PTGR2: variants seen among roughly 807,000 people sequenced by gnomAD.
PTGR2 encodes the protein 15-oxoprostaglandin 13-reductase.
A neutral mutation model predicts 43.4 loss-of-function variants in PTGR2; 32 were observed. The ratio of observed to expected loss-of-function variants is 0.74; its 90% confidence interval spans 0.56 to 0.99. The LOEUF is 0.99. PTGR2 is among the 50% of genes least tolerant of loss of function. The pLI is 0.00. For synonymous variants in PTGR2, 106 were observed against 139.2 expected (o/e 0.76, Z 1.68); for missense variants, 373 against 420.0 (o/e 0.89, Z 0.98).
In PTGR2 at chr14:73,884,233, C is replaced by A; in HGVS notation, c.*56C>A. On this transcript the variant is annotated 3_prime_UTR_variant, in exon 10 of 10. Transcript: ENST00000555661. ...ATTTCTTTTCCATTTTGCATATTTT[C>A]AAAGATATGTTAAAAAATCCTTAGA... is the stretch of plus-strand genomic sequence containing the variant. The A allele has an allele frequency of 8.8e-7, 1 of 1,132,652 alleles. No individual in the cohort carries two copies. Among genetic ancestry groups the A allele is most frequent in the South Asian group, 1.3e-5 (1 of 76,656 alleles). The allele number at this position is 1,132,652 out of a possible 1,614,324, so 70.2% of individuals were successfully genotyped here.
At position 73,858,826 on chromosome 14, in the gene PTGR2, T is replaced by C; in HGVS notation, c.-37T>C. 2 of 1,587,406 alleles carry C rather than the reference T, an allele frequency of 1.3e-6. No individual in the cohort carries two copies. Among genetic ancestry groups the C allele is most frequent in the Non-Finnish European group, 1.7e-6 (2 of 1,161,486 alleles). On this transcript the variant is annotated 5_prime_UTR_variant, in exon 2 of 10. Coordinates refer to ENST00000555661, the MANE Select transcript of PTGR2 (RefSeq NM_001146154.2). Reference sequence around the variant, plus strand: ...TTTTTTTATTTATAGGAGTATTTTATACAGAAATCTTGTGAAACCACTGCC... The same window carrying C: ...TTTTTTTATTTATAGGAGTATTTTACACAGAAATCTTGTGAAACCACTGCC...
intron 2 of PTGR2, among the ~76,000 whole-genome samples, chr14:73,859,979 G>A (rs2054450440): frequency 6.6e-6 from 1 of 151,584 alleles, no homozygotes; most frequent in Non-Finnish European, 1.5e-5. Context: ...CTCCCGAGTA[G>A]CTGGGACTAC....
intron 4 of PTGR2, chr14:73,874,668 A>G (rs901781958): frequency 2.2e-6 from 1 of 450,510 alleles, no homozygotes; most frequent in Non-Finnish European, 4.4e-6. Flanking sequence ...CAAAGTGCTG[A>G]GATTACAGGT....
Position 73,884,841 on chromosome 14 carries a change from T to A in PTGR2, c.*664T>A, listed in dbSNP as rs2055088048. 6.6e-6 allele frequency: 1 copy of A among 151,988 alleles called. No individual in the cohort carries two copies. Among genetic ancestry groups the A allele is most frequent in the African/African-American group, 2.4e-5 (1 of 41,238 alleles). 9.4% of individuals were successfully genotyped at this position (151,988 alleles called of 1,614,324 possible). A position where few individuals can be genotyped will look rare whatever the true frequency, so the allele number is the denominator to read the frequency against. On this transcript the variant is annotated 3_prime_UTR_variant, in exon 10 of 10. Transcript: ENST00000555661. ...AGTTGACAAGATTTACTCCAGAGGA[T>A]CATCTCTTTGTATTTGCCAAATAAT...
At chr14:73,853,346 G>A (rs2054274000) in intron 1 of PTGR2, among the ~76,000 whole-genome samples, 1 of 111,536 alleles carries the variant, frequency 9.0e-6, no homozygotes, top group Non-Finnish European at 2.0e-5. Flanking sequence ...TTTTGAGATG[G>A]AGTTTCGCTC....
intron 5 of PTGR2, chr14:73,878,563 G>A (rs1305294279): frequency 5.8e-6 from 2 of 344,090 alleles, no homozygotes; most frequent in Non-Finnish European, 5.5e-6. Context: ...ACACTCTCTC[G>A]AGATGCTGGG....
intron 6 of PTGR2, 32 bp from the exon 7 acceptor site, chr14:73,880,023 G>C: frequency 6.2e-7 from 1 of 1,608,946 alleles, no homozygotes; most frequent in Non-Finnish European, 8.5e-7. Context: ...ACATAGGAAA[G>C]GGATATTTTA....
At position 73,880,189 on chromosome 14, in the gene PTGR2, T is replaced by A. The variant is rs1267175003; in HGVS notation, c.851+13T>A. On this transcript the variant is annotated intron_variant, in intron 7 of 9. Transcript: ENST00000555661. ...GAAACATCACAAGGTGTGTTCTTCC[T>A]CTTTGCCCTTATTACCAGGTTCATG... 6.2e-7 allele frequency: 1 copy of A among 1,613,380 alleles called. No individual in the cohort carries two copies. The highest frequency in any genetic ancestry group is 8.5e-7 in the Non-Finnish European group (1 of 1,179,434).
Position 73,863,543 on chromosome 14 carries a change from CTG to C in PTGR2, c.156+2888_156+2889del, listed in dbSNP as rs915770522. ...TTTATGAATCATTGCAAAGAATAAA[CTG>C]TTATTTATTTATTTATTTAGAGATG... On this transcript the variant is annotated intron_variant, in intron 3 of 9. Coordinates refer to ENST00000555661, the MANE Select transcript of PTGR2 (RefSeq NM_001146154.2). Among the ~76,000 whole-genome samples the C allele has an allele frequency of 5.9e-5, 9 of 151,264 alleles. 1 individual carries two copies. The South Asian group carries it at 8.3e-4, about 14-fold the overall frequency.
intron 1 of PTGR2, chr14:73,858,147 C>T (rs2054404324): frequency 6.6e-6 from 1 of 152,162 alleles, no homozygotes; most frequent in Admixed American, 6.5e-5. Flanking sequence ...TGATATAACT[C>T]ACTACCTTTG....
chr14:73,864,116 C>T (rs567537763), intron 3 of PTGR2, among the ~76,000 whole-genome samples: 1 of 152,148 alleles, frequency 6.6e-6, no homozygotes, highest in African/African-American at 2.4e-5. Flanking sequence ...CAAGGCTCAT[C>T]ATGTTGTAGT....
intron 9 of PTGR2, among the ~76,000 whole-genome samples, chr14:73,882,863 C>G (rs1415003760): frequency 8.5e-6 from 1 of 117,680 alleles, no homozygotes; most frequent in Non-Finnish European, 1.6e-5. Flanking sequence ...CTCTGTCTCC[C>G]AGGCTGGAGT....
intron 1 of PTGR2, among the ~76,000 whole-genome samples, chr14:73,856,286 C>T (rs1333949523): frequency 1.3e-5 from 2 of 151,874 alleles, no homozygotes; most frequent in African/African-American, 4.8e-5. Flanking sequence ...TCACTCGTCA[C>T]CCAGACTGGA....
At chr14:73,879,645 T>TGGCGTAGAGA in intron 6 of PTGR2, 1 of 299,708 alleles carries the variant, frequency 3.3e-6, no homozygotes, top group Non-Finnish European at 6.2e-6. Flanking sequence ...GCCCCAGACC[T>TGGCGTAGAGA]ATGGGTTTCA....
intron 1 of PTGR2, among the ~76,000 whole-genome samples, chr14:73,854,157 C>T (rs2054292031): frequency 6.6e-6 from 1 of 152,052 alleles, no homozygotes; most frequent in African/African-American, 2.4e-5. Flanking sequence ...GGCTTGAGTG[C>T]AATGGATCAG....
chr14:73,873,927 A>G, intron 3 of PTGR2, 96 bp from the exon 4 acceptor site: 2 of 859,724 alleles, frequency 2.3e-6, no homozygotes, highest in South Asian at 3.9e-5. Flanking sequence ...TATTGTGTGC[A>G]ATATATTACT....
chr14:73,878,669 T>C (rs2054916897), intron 5 of PTGR2: 6 of 472,278 alleles, frequency 1.3e-5, no homozygotes, highest in Non-Finnish European at 2.5e-5. Context: ...ATTTTGACAA[T>C]GACCATAAGG....
At chr14:73,866,670 G>A (rs2054602207) in intron 3 of PTGR2, among the ~76,000 whole-genome samples, 1 of 152,120 alleles carries the variant, frequency 6.6e-6, no homozygotes, top group African/African-American at 2.4e-5. Context: ...TTATTTCTGG[G>A]TGTGTCTGCA....
At chr14:73,869,738 T>A (rs1281656802) in intron 3 of PTGR2, among the ~76,000 whole-genome samples, 2 of 151,584 alleles carry the variant, frequency 1.3e-5, no homozygotes, top group Non-Finnish European at 2.9e-5. Context: ...TTAAAAAAAA[T>A]AATCAGGCTG....
Sources: allele counts gnomAD v4.1 joint callset (sites outside exome capture counted in the v4.1 genomes callset), GRCh38; gene constraint gnomAD v4.1.1; transcripts MANE v1.5; gene names NCBI Gene and HGNC (gene_info 2026-07-23, HGNC 2026-07-21).